Variants in AOX1 observed in about 807,000 individuals in gnomAD.
AOX1 encodes the protein aldehyde oxidase 1.
A neutral mutation model predicts 169.5 loss-of-function variants in AOX1; 153 were observed. The observed-to-expected ratio is 0.90, with a 90% CI of 0.79 to 1.03. The LOEUF (loss-of-function observed/expected upper bound fraction) is 1.03, where lower values mean the gene tolerates loss of function less well. Ranked by LOEUF, AOX1 falls within the 50% of genes least tolerant of loss-of-function variation. The pLI is 0.00. For synonymous variants in AOX1, 562 were observed against 581.9 expected, an observed-to-expected ratio of 0.97 and a Z score of 0.49; for missense variants, 1,656 against 1,663.9, an observed-to-expected ratio of 1.00 and a Z score of 0.08.
chr2:200,653,312 C>T (rs2035618199), intron 26 of AOX1, among the ~76,000 whole-genome samples: 1 of 152,160 alleles, frequency 6.6e-6, no homozygotes, highest in South Asian at 2.1e-4. Flanking sequence ...GAGTTTGAGA[C>T]CAAACTCCGT....
chr2:200,589,894 A>G (rs568098021), intron 1 of AOX1, among the ~76,000 whole-genome samples: 1 of 152,332 alleles, frequency 6.6e-6, no homozygotes, highest in African/African-American at 2.4e-5. Context: ...AATGGCTGCA[A>G]TGATTCAGAG....
At chr2:200,657,190 A>ATATATATATATATTTTTT in intron 27 of AOX1, among the ~76,000 whole-genome samples, 24 of 62,866 alleles carry the variant, frequency 3.8e-4, no homozygotes, top group African/African-American at 1.2e-3. Context: ...ATATATATAT[A>ATATATATATATATTTTTT]TTTTTTTTTT....
chr2:200,638,587 C>T (rs940431605), intron 23 of AOX1, among the ~76,000 whole-genome samples: 3 of 152,062 alleles, frequency 2.0e-5, no homozygotes, highest in Admixed American at 2.0e-4. Flanking sequence ...GTGTGTACGC[C>T]ATTAAAGTAG....
chr2:200,662,818 G>C, intron 30 of AOX1, 37 bp from the exon 31 acceptor site: 2 of 1,535,746 alleles, frequency 1.3e-6, no homozygotes, highest in Non-Finnish European at 1.8e-6. Context: ...GCAATTAGGG[G>C]ACGTGATCAC....
intron 10 of AOX1, among the ~76,000 whole-genome samples, chr2:200,606,200 A>T (rs532846928): frequency 1.3e-5 from 2 of 152,330 alleles, no homozygotes; most frequent in South Asian, 2.1e-4. Flanking sequence ...TTTTCTGCAT[A>T]TGGCTAGCCA....
At position 200,642,712 on chromosome 2, in the gene AOX1, T is replaced by C. The variant is rs1331295104; in HGVS notation, c.2758T>C (p.Phe920Leu). The change falls in exon 25 of 35, where the codon TTT becomes CTT. Residue 920 changes from phenylalanine (F) to leucine (L), a missense_variant. Transcript: ENST00000374700. The part of the protein sequence containing the change: ...CRTNLPSNTA[F>L]RGFGFPQAAL... ...AACCAACCTTCCATCCAACACAGCT[T>C]TTCGTGGGTTTGGCTTTCCTCAGGC... The C allele has an allele frequency of 2.5e-6, 4 of 1,614,132 alleles. No individual in the cohort carries two copies. Among genetic ancestry groups the C allele is most frequent in the Non-Finnish European group, 3.4e-6 (4 of 1,179,996 alleles).
At chr2:200,595,801 C>CAT (rs923647518) in intron 3 of AOX1, among the ~76,000 whole-genome samples, 4 of 152,312 alleles carry the variant, frequency 2.6e-5, no homozygotes, top group African/African-American at 9.6e-5. Context: ...TCATCACATT[C>CAT]ATATATTACT....
chr2:200,666,471 A>T (rs77225800), intron 31 of AOX1, among the ~76,000 whole-genome samples: 1 of 152,192 alleles, frequency 6.6e-6, no homozygotes. Context: ...CAAGAAAAAA[A>T]GACAGTGCTT....
At position 200,642,716 on chromosome 2, in the gene AOX1, G is replaced by C. The variant is rs56199635; in HGVS notation, c.2762G>C (p.Arg921Pro). 1.9e-6 allele frequency: 3 copies of C among 1,614,112 alleles called. No homozygotes were observed. The South Asian group carries it at 3.3e-5, about 18-fold the overall frequency. The stretch of plus-strand genomic sequence containing the variant: ...AACCTTCCATCCAACACAGCTTTTC[G>C]TGGGTTTGGCTTTCCTCAGGCAGCG... ...RTNLPSNTAF[R>P]GFGFPQAALI... The change falls in exon 25 of 35, where the codon CGT becomes CCT. Residue 921 changes from arginine to proline, a missense_variant. Coordinates refer to ENST00000374700, the MANE Select transcript of AOX1 (RefSeq NM_001159.4).
chr2:200,642,039 G>A (rs1463936068), intron 24 of AOX1, among the ~76,000 whole-genome samples: 1 of 152,076 alleles, frequency 6.6e-6, no homozygotes, highest in Admixed American at 6.5e-5. Context: ...TGAGGCAGGA[G>A]AATCACTTGA....
At chr2:200,657,190 A>ATATATATATATATATATATTTTTT in intron 27 of AOX1, among the ~76,000 whole-genome samples, 52 of 62,864 alleles carry the variant, frequency 8.3e-4, no homozygotes, top group Admixed American at 1.2e-3. Flanking sequence ...ATATATATAT[A>ATATATATATATATATATATTTTTT]TTTTTTTTTT....
At chr2:200,633,508 A>G (rs1201738956) in intron 20 of AOX1, among the ~76,000 whole-genome samples, 1 of 150,938 alleles carries the variant, frequency 6.6e-6, no homozygotes, top group Non-Finnish European at 1.5e-5. Context: ...GAACTTTTTA[A>G]ATTTTTGCTG....
At chr2:200,626,533 T>C (rs1215832233) in intron 19 of AOX1, among the ~76,000 whole-genome samples, 2 of 152,250 alleles carry the variant, frequency 1.3e-5, no homozygotes, top group Non-Finnish European at 2.9e-5. Context: ...AACCAACCTA[T>C]GTTATTGTAA....
intron 16 of AOX1, among the ~76,000 whole-genome samples, chr2:200,620,199 C>CGGT (rs2034853087): frequency 1.5e-5 from 2 of 130,806 alleles, no homozygotes; most frequent in African/African-American, 2.9e-5. Flanking sequence ...TTAATAGTGA[C>CGGT]TTTTTTTTTT....
chr2:200,666,208 G>C (rs1017729134), intron 31 of AOX1, among the ~76,000 whole-genome samples: 1 of 152,212 alleles, frequency 6.6e-6, no homozygotes, highest in Admixed American at 6.5e-5. Flanking sequence ...GTCTAGAACA[G>C]CAGATGACAA....
At position 200,586,173 on chromosome 2, in the gene AOX1, C is replaced by T; in HGVS notation, c.45+20C>T. The T allele has an allele frequency of 6.4e-7, 1 of 1,551,546 alleles. No individual in the cohort carries two copies. Among genetic ancestry groups the T allele is most frequent in the Non-Finnish European group, 8.7e-7 (1 of 1,148,698 alleles). ...CGCAAGGTGAGCGCCCGCGGGCTTC[C>T]TCTGCCCCCAGACCTGCGGCCAGGG... On this transcript the variant is annotated intron_variant, in intron 1 of 34. Coordinates refer to ENST00000374700, the MANE Select transcript of AOX1 (RefSeq NM_001159.4).
At chr2:200,644,774 AGT>A (rs1010448570) in intron 25 of AOX1, among the ~76,000 whole-genome samples, 5 of 152,132 alleles carry the variant, frequency 3.3e-5, no homozygotes, top group South Asian at 2.1e-4. Context: ...TATATTCCTA[AGT>A]GTTTTATTAT....
downstream of AOX1, chr2:200,679,251 T>C (rs2036133703): frequency 6.6e-6 from 1 of 152,202 alleles, no homozygotes; most frequent in Non-Finnish European, 1.5e-5. Flanking sequence ...TTTCTTTTTC[T>C]TTTTTAACAC....
At chr2:200,591,603 T>C (rs2034174054) in intron 1 of AOX1, among the ~76,000 whole-genome samples, 1 of 152,210 alleles carries the variant, frequency 6.6e-6, no homozygotes, top group Non-Finnish European at 1.5e-5. Context: ...AGTGTACTCA[T>C]TTAAAAAGCA....
Sources: gnomAD v4.1 joint callset for allele counts (sites outside exome capture counted in the v4.1 genomes callset) on GRCh38, gnomAD v4.1.1 for gene constraint, MANE v1.5 for transcripts, NCBI Gene and HGNC (gene_info 2026-07-23, HGNC 2026-07-21) for gene names.